Variants in ACSS2 observed in about 807,000 individuals in gnomAD.
The protein encoded by ACSS2 is acyl-CoA synthetase short chain family member 2.
Under a neutral mutation model 90.6 loss-of-function variants are expected in ACSS2, and 58 were observed. The observed-to-expected ratio is 0.64, with a 90% CI of 0.52 to 0.80. The LOEUF (loss-of-function observed/expected upper bound fraction) is 0.80, where lower values mean the gene tolerates loss of function less well. Ranked by LOEUF, ACSS2 falls within the 30% of genes least tolerant of loss-of-function variation. The probability of loss-of-function intolerance (pLI) is 0.00; values close to 1 mark genes in which losing one functional copy is unlikely to be tolerated. For synonymous variants in ACSS2, 300 were observed against 330.9 expected, an observed-to-expected ratio of 0.91 and a Z score of 1.01; for missense variants, 759 against 912.0, an observed-to-expected ratio of 0.83 and a Z score of 2.16.
chr20:34,908,903 A>G, intron 2 of ACSS2: 1 of 438,264 alleles, frequency 2.3e-6, no homozygotes, highest in Non-Finnish European at 4.5e-6. Context: ...TTGAACCAAC[A>G]GGTCCACTTC....
At chr20:34,898,841 G>A (rs2080541706) in intron 2 of ACSS2, among the ~76,000 whole-genome samples, 2 of 152,026 alleles carry the variant, frequency 1.3e-5, no homozygotes, top group South Asian at 2.1e-4. Context: ...ACTGGGTGCC[G>A]TGAGCAGGGG....
At chr20:34,887,110 G>C (rs566544501) in intron 2 of ACSS2, among the ~76,000 whole-genome samples, 1 of 152,314 alleles carries the variant, frequency 6.6e-6, no homozygotes, top group African/African-American at 2.4e-5. Context: ...AGAACTTGAA[G>C]TGACCGTTAG....
rs146190099 is a variant in ACSS2, at chr20:34,921,073, C to A, written c.1211C>A (p.Thr404Asn). The A allele has an allele frequency of 8.2e-5, 132 of 1,614,028 alleles. No individual in the cohort carries two copies. The highest frequency in any genetic ancestry group is 1.0e-4 in the Non-Finnish European group (122 of 1,180,044). ...AGCATTGTGGACAAATACAAGGTGA[C>A]CAAGTTCTACACAGCACCCACAGCC... is the stretch of plus-strand genomic sequence containing the variant. ...LWSIVDKYKV[T>N]KFYTAPTAIR... Residue 404 changes from threonine to asparagine, a missense_variant, in exon 10 of 18, where the codon ACC becomes AAC. Physicochemically the swap from Thr to Asn is moderately conservative, Grantham distance 65 (BLOSUM62 0). Transcript: ENST00000360596.
intron 1 of ACSS2, among the ~76,000 whole-genome samples, chr20:34,878,260 T>C (rs978786878): frequency 6.6e-6 from 1 of 152,142 alleles, no homozygotes; most frequent in Non-Finnish European, 1.5e-5. Flanking sequence ...TGCACCCCCA[T>C]TGGGAGGCAG....
intron 7 of ACSS2, among the ~76,000 whole-genome samples, 156 bp downstream of exon 7, chr20:34,914,593 T>G (rs962715665): frequency 6.6e-6 from 1 of 152,200 alleles, no homozygotes; most frequent in Non-Finnish European, 1.5e-5. Context: ...AGGTGGGAAC[T>G]GGAAGACTTT....
At chr20:34,898,416 G>A (rs906425397) in intron 2 of ACSS2, among the ~76,000 whole-genome samples, 1 of 152,114 alleles carries the variant, frequency 6.6e-6, no homozygotes. Flanking sequence ...CCAACACAAA[G>A]GTTCTCCAAG....
intron 2 of ACSS2, among the ~76,000 whole-genome samples, chr20:34,904,107 A>G (rs1480351867): frequency 2.0e-5 from 3 of 152,122 alleles, no homozygotes; most frequent in Admixed American, 2.0e-4. Flanking sequence ...AAAGAAAGTG[A>G]GATAAAGGGC....
At chr20:34,924,998 G>C (rs1397844189) in intron 14 of ACSS2, among the ~76,000 whole-genome samples, 2 of 152,092 alleles carry the variant, frequency 1.3e-5, no homozygotes, top group African/African-American at 4.8e-5. Flanking sequence ...CCACCTTTTG[G>C]GGTTTTAAGC....
chr20:34,892,149 T>A (rs541819043), intron 2 of ACSS2, among the ~76,000 whole-genome samples: 2 of 152,308 alleles, frequency 1.3e-5, no homozygotes, highest in South Asian at 4.1e-4. Flanking sequence ...CTGGATAAAT[T>A]CTCTACATTT....
chr20:34,894,383 G>A (rs1210947729), intron 2 of ACSS2, among the ~76,000 whole-genome samples: 1 of 152,100 alleles, frequency 6.6e-6, no homozygotes, highest in Non-Finnish European at 1.5e-5. Flanking sequence ...CCAGCTACTC[G>A]GGTGGCTGAG....
chr20:34,889,833 C>A (rs957820921), intron 2 of ACSS2, among the ~76,000 whole-genome samples: 2 of 152,112 alleles, frequency 1.3e-5, no homozygotes, highest in African/African-American at 4.8e-5. Flanking sequence ...AGAGGAGTTA[C>A]GGTTGTCATC....
At chr20:34,879,874 G>A (rs751142239) in intron 1 of ACSS2, among the ~76,000 whole-genome samples, 4 of 152,090 alleles carry the variant, frequency 2.6e-5, no homozygotes, top group Admixed American at 6.6e-5. Flanking sequence ...TATTAGCTGC[G>A]TGGTCCTTGG....
chr20:34,921,737 A>G, intron 12 of ACSS2, 49 bp from the exon 13 acceptor site: 1 of 1,610,290 alleles, frequency 6.2e-7, no homozygotes, highest in African/African-American at 1.3e-5. Context: ...GAGTTGAGTC[A>G]GAGTTGCCTC....
At chr20:34,879,414 C>G (rs1008024966) in intron 1 of ACSS2, among the ~76,000 whole-genome samples, 2 of 151,986 alleles carry the variant, frequency 1.3e-5, no homozygotes, top group Admixed American at 6.6e-5. Context: ...AGAGCATTCA[C>G]TGATCATCCC....
intron 2 of ACSS2, among the ~76,000 whole-genome samples, chr20:34,892,505 G>A (rs2080358534): frequency 6.6e-6 from 1 of 152,082 alleles, no homozygotes; most frequent in Non-Finnish European, 1.5e-5. Flanking sequence ...TCTGATTCTG[G>A]GTCATTCTCA....
Position 34,886,633 on chromosome 20 carries a change from T to C in ACSS2, c.374+3644T>C, listed in dbSNP as rs1396194271. Reference sequence around the variant, plus strand: ...AGCAAGACTCTGTCTCAAAAAACAATAAAAGTAATAATAATAATTGCTTAC... The same window carrying C: ...AGCAAGACTCTGTCTCAAAAAACAACAAAAGTAATAATAATAATTGCTTAC... On this transcript the variant is annotated intron_variant, in intron 2 of 17. Transcript: ENST00000360596. Among the ~76,000 whole-genome samples the C allele has an allele frequency of 6.6e-5, 10 of 152,038 alleles. 1 individual carries two copies. Among genetic ancestry groups the C allele is most frequent in the Admixed American group, 6.6e-4 (10 of 15,240 alleles).
intron 15 of ACSS2, 150 bp from the exon 16 acceptor site, chr20:34,925,955 T>C (rs1473925979): frequency 2.0e-5 from 20 of 1,005,630 alleles, no homozygotes; most frequent in Non-Finnish European, 2.5e-5. Flanking sequence ...GGAACTTGGA[T>C]GGTGGGGTGA....
chr20:34,903,711 T>G (rs1453513446), intron 2 of ACSS2, among the ~76,000 whole-genome samples: 1 of 151,954 alleles, frequency 6.6e-6, no homozygotes, highest in Non-Finnish European at 1.5e-5. Flanking sequence ...TCTAGGGAAT[T>G]AAAATCTTCA....
intron 2 of ACSS2, among the ~76,000 whole-genome samples, chr20:34,900,709 T>C (rs1267578829): frequency 6.6e-6 from 1 of 152,216 alleles, no homozygotes; most frequent in East Asian, 1.9e-4. Context: ...AAGTTAGATA[T>C]CATTTGAAAC....
Sources: gnomAD v4.1 joint callset for allele counts (sites outside exome capture counted in the v4.1 genomes callset) on GRCh38, gnomAD v4.1.1 for gene constraint, MANE v1.5 for transcripts, NCBI Gene and HGNC (gene_info 2026-07-23, HGNC 2026-07-21) for gene names.